Variants in CPT2 observed in about 807,000 individuals in gnomAD.
CPT2 encodes the protein carnitine palmitoyltransferase 2.
Under a neutral mutation model 48.6 loss-of-function variants are expected in CPT2, and 37 were observed. That is an observed-to-expected ratio of 0.76 (90% CI 0.59 to 1.00). CPT2 has a LOEUF of 1.00. Ranked by LOEUF, CPT2 falls within the 50% of genes least tolerant of loss-of-function variation. CPT2 has a pLI of 0.00. For synonymous variants in CPT2, 319 were observed against 326.9 expected, an observed-to-expected ratio of 0.98 and a Z score of 0.26; for missense variants, 772 against 825.6, an observed-to-expected ratio of 0.94 and a Z score of 0.80.
Position 53,211,311 on chromosome 1 carries a change from C to G in CPT2, c.1637C>G (p.Ala546Gly). 1 of 1,604,380 alleles carries G rather than the reference C, an allele frequency of 6.2e-7. No individual in the cohort carries two copies. Among genetic ancestry groups the G allele is most frequent in the South Asian group, 1.1e-5 (1 of 89,454 alleles). Residue 546 changes from alanine (A) to glycine (G), a missense_variant, in exon 4 of 5, where the codon GCA (alanine) becomes GGA (glycine). Coordinates refer to ENST00000371486, the MANE Select transcript of CPT2 (RefSeq NM_000098.3). ...SKYHGQLTKE[A>G]AMGQGFDRHL... is the part of the protein sequence containing the mutation. ...TACCATGGCCAGCTGACCAAAGAAG[C>G]AGCAATGGGTGAGGCAGGGGTGGGG...
chr1:53,207,591 A>G (rs2100268455), intron 3 of CPT2: 1 of 152,362 alleles, frequency 6.6e-6, no homozygotes, highest in East Asian at 1.9e-4. Context: ...CCTTCTGAGT[A>G]GCTGGGACTA....
chr1:53,197,264 C>T (rs1645329633), intron 1 of CPT2, 169 bp downstream of exon 1: 1 of 824,788 alleles, frequency 1.2e-6, no homozygotes, highest in African/African-American at 1.7e-5. Context: ...TCACAATCTC[C>T]TAGCACAGGA....
chr1:53,197,427 T>A (rs1464763687), intron 1 of CPT2: 2 of 417,304 alleles, frequency 4.8e-6, no homozygotes, highest in Non-Finnish European at 4.4e-6. Flanking sequence ...CCTGCATATT[T>A]CCAGCGCCGC....
intron 3 of CPT2, among the ~76,000 whole-genome samples, chr1:53,205,717 T>G (rs944767384): frequency 1.3e-5 from 2 of 152,240 alleles, no homozygotes; most frequent in African/African-American, 4.8e-5. Flanking sequence ...TGCTGTTCTG[T>G]GCAGCCTCGG....
chr1:53,197,134 C>T, intron 1 of CPT2, 39 bp downstream of exon 1: 1 of 1,535,840 alleles, frequency 6.5e-7, no homozygotes, highest in Non-Finnish European at 8.7e-7. Context: ...CCGCCGCCGT[C>T]CCAGGATCGG....
At chr1:53,197,805 G>A (rs1176974187) in intron 1 of CPT2, among the ~76,000 whole-genome samples, 1 of 151,870 alleles carries the variant, frequency 6.6e-6, no homozygotes, top group Non-Finnish European at 1.5e-5. Context: ...CTCACCCACA[G>A]TACCCCTTGT....
Position 53,210,766 on chromosome 1 carries a change from C to G in CPT2, c.1092C>G (p.Gly364=), listed in dbSNP as rs781398541. ...KSFNLIIAKD[G]STAVHFEHSW... ...TTAACCTCATTATCGCCAAGGATGGCTCTACTGCCGTCCACTTTGAGCACT... is the reference window on the plus strand; with the variant it reads ...TTAACCTCATTATCGCCAAGGATGGGTCTACTGCCGTCCACTTTGAGCACT... Residue 364 remains glycine (G), a synonymous_variant, in exon 4 of 5, where the codon GGC becomes GGG. Transcript: ENST00000371486. 3 of 1,614,074 alleles carry G rather than the reference C, an allele frequency of 1.9e-6. No individual in the cohort carries two copies. Among genetic ancestry groups the G allele is most frequent in the Non-Finnish European group, 1.7e-6 (2 of 1,180,042 alleles).
intron 2 of CPT2, chr1:53,201,540 T>C (rs1181149287): frequency 6.5e-6 from 1 of 153,406 alleles, no homozygotes. Context: ...AGAGAATAAA[T>C]TTCTGTTGTT....
intron 4 of CPT2, 187 bp downstream of exon 4, chr1:53,211,506 G>C: frequency 1.6e-6 from 1 of 609,862 alleles, no homozygotes; most frequent in Middle Eastern, 4.3e-4. Context: ...GGATCAGAAT[G>C]TTCTTGCCTC....
At chr1:53,201,390 C>G (rs1262006611) in intron 2 of CPT2, 1 of 156,412 alleles carries the variant, frequency 6.4e-6, no homozygotes, top group African/African-American at 2.4e-5. Context: ...CTGCCTGTGT[C>G]AACAAGCCAA....
chr1:53,210,363 G>A lies in CPT2; in HGVS notation c.689G>A (p.Ser230Asn), dbSNP rs1209139967. The change falls in exon 4 of 5, where the codon AGT becomes AAT. Residue 230 changes from serine to asparagine, a missense_variant. Coordinates refer to ENST00000371486, the MANE Select transcript of CPT2 (RefSeq NM_000098.3). The stretch of plus-strand genomic sequence containing the variant: ...AACTCAACTCGTTTACCCAAACCCA[G>A]TCGGGATGAACTCTTCACTGATGAC... ...LFNSTRLPKP[S>N]RDELFTDDKA... The A allele has an allele frequency of 6.2e-7, 1 of 1,614,100 alleles. No individual in the cohort carries two copies. Among genetic ancestry groups the A allele is most frequent in the Non-Finnish European group, 8.5e-7 (1 of 1,180,040 alleles).
Position 53,210,795 on chromosome 1 carries a change from GGGGTGATGGTGTGGCA to G in CPT2, c.1123_1138del (p.Gly375CysfsTer40). 1 of 1,614,106 alleles carries G rather than the reference GGGGTGATGGTGTGGCA, an allele frequency of 6.2e-7. No homozygotes were observed. The highest frequency in any genetic ancestry group is 8.5e-7 in the Non-Finnish European group (1 of 1,179,994). On this transcript the variant is annotated frameshift_variant, in exon 4 of 5. Transcript: ENST00000371486. LOFTEE classifies it high-confidence loss of function. ...ACTGCCGTCCACTTTGAGCACTCTT[GGGGTGATGGTGTGGCA>G]GTGCTCAGATTTTTTAATGAAGTAT...
chr1:53,200,671 C>A, intron 1 of CPT2, 48 bp from the exon 2 acceptor site: 1 of 1,383,982 alleles, frequency 7.2e-7, no homozygotes, highest in Non-Finnish European at 1.0e-6. Context: ...AGCTAATTAA[C>A]CTCTTCCATA....
rs1430048259 is a variant in CPT2, at chr1:53,211,415, T to TTCACTAGG, written c.1645+98_1645+105dup. On this transcript the variant is annotated intron_variant, in intron 4 of 4. Transcript: ENST00000371486. Reference sequence around the variant, plus strand: ...CTACTCCAAATCTGATTTCTACCCGTTCACTAGGTTTAATCCATCGCCAAC... The same window carrying TTCACTAGG: ...CTACTCCAAATCTGATTTCTACCCGTTCACTAGGTCACTAGGTTTAATCCATCGCCAAC... 4 of 1,290,698 alleles carry TTCACTAGG rather than the reference T, an allele frequency of 3.1e-6. No individual in the cohort carries two copies. The African/African-American group carries it at 5.9e-5, about 19-fold the overall frequency. The allele number at this position is 1,290,698 out of a possible 1,614,324, so 80.0% of individuals were successfully genotyped here.
chr1:53,207,444 C>G (rs1207171103), intron 3 of CPT2: 1 of 152,148 alleles, frequency 6.6e-6, no homozygotes, highest in African/African-American at 2.4e-5. Flanking sequence ...AACTGTGATT[C>G]AGGTCTCCCA....
chr1:53,202,802 C>T (rs1281245149), intron 3 of CPT2: 1 of 285,702 alleles, frequency 3.5e-6, no homozygotes, highest in Non-Finnish European at 6.9e-6. Flanking sequence ...TGACATACTT[C>T]CTGCTAAACT....
At position 53,207,205 on chromosome 1, in the gene CPT2, C is replaced by G. The variant is rs565615137; in HGVS notation, c.341-2810C>G. Among the ~76,000 whole-genome samples the G allele has an allele frequency of 9.8e-5, 15 of 152,326 alleles. No homozygotes were observed. The South Asian group carries it at 2.9e-3, about 29-fold the overall frequency. Reference sequence around the variant, plus strand: ...CTAAGGCCTTCCCAGCCATGCGGAACTAAGTCAGTTAAGCTTCTCTTCTTT... The same window carrying G: ...CTAAGGCCTTCCCAGCCATGCGGAAGTAAGTCAGTTAAGCTTCTCTTCTTT... On this transcript the variant is annotated intron_variant, in intron 3 of 4. Coordinates refer to ENST00000371486, the MANE Select transcript of CPT2 (RefSeq NM_000098.3).
Position 53,211,136 on chromosome 1 carries a change from T to C in CPT2, c.1462T>C (p.Ser488Pro). Reference protein sequence around the residue: ...QYGQTVATYESCSTAAFKHGR... With the variant: ...QYGQTVATYEPCSTAAFKHGR... ...CGGGCAGACAGTGGCCACCTACGAG[T>C]CCTGTAGCACTGCCGCATTCAAGCA... Residue 488 changes from serine to proline, a missense_variant, in exon 4 of 5, where the codon TCC becomes CCC. Coordinates refer to ENST00000371486, the MANE Select transcript of CPT2 (RefSeq NM_000098.3). The C allele has an allele frequency of 6.2e-7, 1 of 1,613,580 alleles. No homozygotes were observed. Among genetic ancestry groups the C allele is most frequent in the Non-Finnish European group, 8.5e-7 (1 of 1,179,758 alleles).
At chr1:53,202,599 C>T (rs1424053830) in intron 3 of CPT2, 170 bp downstream of exon 3, 1 of 671,742 alleles carries the variant, frequency 1.5e-6, no homozygotes, top group Non-Finnish European at 2.7e-6. Flanking sequence ...TGTTCCTCCT[C>T]TACTGAGGTG....
Sources: allele counts gnomAD v4.1 joint callset (sites outside exome capture counted in the v4.1 genomes callset), GRCh38; gene constraint gnomAD v4.1.1; transcripts MANE v1.5; gene names NCBI Gene and HGNC (gene_info 2026-07-23, HGNC 2026-07-21).